ST6GALNAC3: variants seen among roughly 807,000 people sequenced by gnomAD.
ST6GALNAC3 encodes ST6 N-acetylgalactosaminide alpha-2,6-sialyltransferase 3.
Under a neutral mutation model 32.7 loss-of-function variants are expected in ST6GALNAC3, and 25 were observed. The ratio of observed to expected loss-of-function variants is 0.76; its 90% CI spans 0.56 to 1.07. The LOEUF (loss-of-function observed/expected upper bound fraction) is 1.07, where lower values mean the gene tolerates loss of function less well. ST6GALNAC3 is among the 50% of genes least tolerant of loss of function. The pLI, the probability that ST6GALNAC3 is intolerant of heterozygous loss-of-function variation, is 0.00. For synonymous variants in ST6GALNAC3, 129 were observed against 133.1 expected (o/e 0.97, Z 0.21); for missense variants, 355 against 382.4 (o/e 0.93, Z 0.60).
At chr1:76,567,359 T>A (rs1392825763) in intron 3 of ST6GALNAC3, among the ~76,000 whole-genome samples, 1 of 152,086 alleles carries the variant, frequency 6.6e-6, no homozygotes, top group Non-Finnish European at 1.5e-5. Flanking sequence ...ACTGGCAAAG[T>A]AAGGTACCAC....
rs966892085 is a variant in ST6GALNAC3, at chr1:76,633,476, A to G, written c.*4670A>G. 14 of 152,220 alleles carry G rather than the reference A, an allele frequency of 9.2e-5. No individual in the cohort carries two copies. The highest frequency in any genetic ancestry group is 3.4e-4 in the African/African-American group (14 of 41,462). 9.4% of individuals were successfully genotyped at this position (152,220 alleles called of 1,614,324 possible). On this transcript the variant is annotated 3_prime_UTR_variant, in exon 5 of 5. Transcript: ENST00000328299. ...TCACAAAATTCTAGGACTTGTTTAA[A>G]GAACTTAAAGGTCAGTTTCTTAGTT...
chr1:76,123,378 CAA>C (rs869281587), intron 1 of ST6GALNAC3, among the ~76,000 whole-genome samples: 1,467 of 63,310 alleles, frequency 0.023, 31 homozygotes, highest in African/African-American at 0.075. Context: ...GGCTCCATCT[CAA>C]AAAAAAAAAA....
At chr1:76,340,112 C>A (rs576177356) in intron 2 of ST6GALNAC3, among the ~76,000 whole-genome samples, 1 of 152,278 alleles carries the variant, frequency 6.6e-6, no homozygotes, top group African/African-American at 2.4e-5. Context: ...ATACATGAAA[C>A]CCCCTGGTGA....
chr1:76,226,671 G>A (rs548997896), intron 1 of ST6GALNAC3, among the ~76,000 whole-genome samples: 40 of 152,210 alleles, frequency 2.6e-4, no homozygotes, highest in African/African-American at 8.9e-4. Context: ...ATCTTACATC[G>A]CAGGAGCAGG....
chr1:76,106,095 G>T (rs1462837507), intron 1 of ST6GALNAC3, among the ~76,000 whole-genome samples: 1 of 152,184 alleles, frequency 6.6e-6, no homozygotes, highest in African/African-American at 2.4e-5. Flanking sequence ...AAGAATGCTT[G>T]TCTTTTAGAA....
intron 1 of ST6GALNAC3, among the ~76,000 whole-genome samples, chr1:76,253,254 C>T (rs189174215): frequency 2.0e-5 from 3 of 152,256 alleles, no homozygotes; most frequent in African/African-American, 7.2e-5. Flanking sequence ...TCTTCTGTGT[C>T]ATTCTTCCTT....
intron 1 of ST6GALNAC3, among the ~76,000 whole-genome samples, chr1:76,306,723 AT>A (rs1490838572): frequency 6.6e-6 from 1 of 151,692 alleles, no homozygotes; most frequent in Non-Finnish European, 1.5e-5. Flanking sequence ...TCAAGTTAAC[AT>A]GAGCATTATG....
intron 3 of ST6GALNAC3, among the ~76,000 whole-genome samples, chr1:76,530,411 T>A (rs1000183172): frequency 6.6e-6 from 1 of 152,188 alleles, no homozygotes; most frequent in Admixed American, 6.5e-5. Flanking sequence ...GGGTTCATTA[T>A]ACTTGAAAAA....
At position 76,323,278 on chromosome 1, in the gene ST6GALNAC3, C is replaced by T. The variant is rs147963596; in HGVS notation, c.213+9279C>T. 6.6e-3 allele frequency among the ~76,000 whole-genome samples: 1,004 copies of T among 152,236 alleles called. 8 individuals are homozygous for T. The highest frequency in any genetic ancestry group is 0.023 in the African/African-American group (962 of 41,540). On this transcript the variant is annotated intron_variant, in intron 2 of 4. Coordinates refer to ENST00000328299, the MANE Select transcript of ST6GALNAC3 (RefSeq NM_152996.4). ...TCTGAAAAATAATTGAATATAATGA[C>T]TAGAAATAAATAAATAAAATTGTAA...
intron 1 of ST6GALNAC3, among the ~76,000 whole-genome samples, chr1:76,291,685 A>G (rs1021928185): frequency 6.6e-6 from 1 of 152,212 alleles, no homozygotes; most frequent in Non-Finnish European, 1.5e-5. Context: ...TGAAATTGCA[A>G]AAGAAAAAAA....
intron 3 of ST6GALNAC3, among the ~76,000 whole-genome samples, chr1:76,462,036 T>A (rs1658310764): frequency 6.6e-6 from 1 of 152,102 alleles, no homozygotes; most frequent in Non-Finnish European, 1.5e-5. Context: ...CCACATGGCC[T>A]CCTGTTTCCT....
intron 1 of ST6GALNAC3, among the ~76,000 whole-genome samples, chr1:76,181,492 T>TA (rs11379626): frequency 0.2 from 29,867 of 152,056 alleles, 3,052 homozygotes; most frequent in African/African-American, 0.22. Context: ...AATATAACTA[T>TA]GAATGGAGAG....
At position 76,630,360 on chromosome 1, in the gene ST6GALNAC3, A is replaced by G. The variant is rs1557642262; in HGVS notation, c.*1554A>G. 1.0e-5 allele frequency: 10 copies of G among 985,202 alleles called. No homozygotes were observed. Among genetic ancestry groups the G allele is most frequent in the Non-Finnish European group, 1.2e-5 (10 of 829,808 alleles). 61.0% of individuals were successfully genotyped at this position (985,202 alleles called of 1,614,324 possible). A position where few individuals can be genotyped will look rare whatever the true frequency, so the allele number is the denominator to read the frequency against. On this transcript the variant is annotated 3_prime_UTR_variant, in exon 5 of 5. Transcript: ENST00000328299. Reference sequence around the variant, plus strand: ...CGTGTGGTTCTATTTAGGTGGGGAAAAAATGAAAAAGCAGGGACAACAGGA... The same window carrying G: ...CGTGTGGTTCTATTTAGGTGGGGAAGAAATGAAAAAGCAGGGACAACAGGA...
intron 1 of ST6GALNAC3, among the ~76,000 whole-genome samples, chr1:76,284,700 C>T (rs568647589): frequency 2.3e-4 from 35 of 151,936 alleles, no homozygotes; most frequent in South Asian, 6.2e-4. Flanking sequence ...AAACCTGAAA[C>T]GATCTCCTGA....
intron 1 of ST6GALNAC3, among the ~76,000 whole-genome samples, chr1:76,121,286 C>T (rs937074285): frequency 3.3e-5 from 5 of 152,198 alleles, no homozygotes; most frequent in Non-Finnish European, 5.9e-5. Context: ...TCAGCAAGCC[C>T]TGCTGGGATC....
In ST6GALNAC3 at chr1:76,509,537, C is replaced by T. The variant is rs183562767; in HGVS notation, c.623+97120C>T. ...ATAAACTGGAAATGATTTATACCAA[C>T]GAGATTTGAGTTAGGGGAATGTGTT... On this transcript the variant is annotated intron_variant, in intron 3 of 4. Coordinates refer to ENST00000328299, the MANE Select transcript of ST6GALNAC3 (RefSeq NM_152996.4). The surrounding 1 kb of genome is among the most constrained non-coding windows in gnomAD (Gnocchi z 5.5). Among the ~76,000 whole-genome samples the T allele has an allele frequency of 5.6e-3, 763 of 136,362 alleles. 6 individuals carry two copies. The highest frequency in any genetic ancestry group is 0.015 in the Admixed American group (203 of 13,184). 89.5% of individuals were successfully genotyped at this position (136,362 alleles called of 152,430 possible). A position where few individuals can be genotyped will look rare whatever the true frequency, so the allele number is the denominator to read the frequency against.
intron 3 of ST6GALNAC3, among the ~76,000 whole-genome samples, chr1:76,578,044 G>GT (rs2100534895): frequency 6.6e-6 from 1 of 152,096 alleles, no homozygotes; most frequent in East Asian, 1.9e-4. Context: ...TTACTATCTA[G>GT]TTTTTTGTTT....
chr1:76,558,814 A>G (rs1665077279), intron 3 of ST6GALNAC3, among the ~76,000 whole-genome samples: 1 of 152,200 alleles, frequency 6.6e-6, no homozygotes, highest in Non-Finnish European at 1.5e-5. Context: ...CAATGTTTTG[A>G]ATTTGATATT....
chr1:76,416,124 A>T (rs1415951982), intron 3 of ST6GALNAC3, among the ~76,000 whole-genome samples: 1 of 151,804 alleles, frequency 6.6e-6, no homozygotes, highest in Non-Finnish European at 1.5e-5. Flanking sequence ...AATTATGGTA[A>T]ACACTTTAAG....
Sources: gnomAD v4.1 joint callset for allele counts (sites outside exome capture counted in the v4.1 genomes callset) on GRCh38, gnomAD v4.1.1 for gene constraint, Gnocchi (gnomAD v3.1) non-coding constraint, MANE v1.5 for transcripts, NCBI Gene and HGNC (gene_info 2026-07-23, HGNC 2026-07-21) for gene names.